The following STK3 variants were observed in gnomAD, a reference collection of about 807,000 sequenced individuals.
STK3 encodes serine/threonine-protein kinase 3.
Under a neutral mutation model 58.0 loss-of-function variants are expected in STK3, and 41 were observed. The ratio of observed to expected loss-of-function variants is 0.71; its 90% confidence interval spans 0.55 to 0.92. The LOEUF (loss-of-function observed/expected upper bound fraction) is 0.92, where lower values mean the gene tolerates loss of function less well. Ranked by LOEUF, STK3 falls within the 40% of genes least tolerant of loss-of-function variation. The pLI is 0.00. For missense variants in STK3, 479 were observed against 602.7 expected (o/e 0.79, Z 2.15); for synonymous variants, 170 against 191.0 (o/e 0.89, Z 0.91).
Position 98,680,268 on chromosome 8 carries a change from C to T in STK3, c.684+26199G>A, listed in dbSNP as rs568919661. ...AAAATGGAGGCAATCAGAAGAAATA[C>T]AGTCCATGGTGGCAGTGACAGAGCT... On this transcript the variant is annotated intron_variant, in intron 6 of 10. Transcript: ENST00000419617. Among the ~76,000 whole-genome samples the T allele has an allele frequency of 4.6e-5, 7 of 152,144 alleles. No homozygotes were observed. In the South Asian group the frequency reaches 1.5e-3, roughly 32 times the overall value.
chr8:98,513,112 C>G (rs1012676133), intron 10 of STK3, among the ~76,000 whole-genome samples: 1 of 152,150 alleles, frequency 6.6e-6, no homozygotes, highest in Non-Finnish European at 1.5e-5. Flanking sequence ...AGAATGCTGA[C>G]TGAAAGTGTT....
chr8:98,352,128 C>T, the STK3 span, among the ~76,000 whole-genome samples: 1 of 110,066 alleles, frequency 9.1e-6, no homozygotes, highest in African/African-American at 3.8e-5. Flanking sequence ...CAGAGAAAGA[C>T]TCTGTCTCAA....
chr8:98,514,799 T>C (rs1824801496), intron 10 of STK3, among the ~76,000 whole-genome samples: 1 of 152,140 alleles, frequency 6.6e-6, no homozygotes, highest in South Asian at 2.1e-4. Flanking sequence ...GGTTCCATTC[T>C]GTACTTTCAA....
At chr8:98,469,311 G>A (rs1457288345) in intron 10 of STK3, among the ~76,000 whole-genome samples, 1 of 151,628 alleles carries the variant, frequency 6.6e-6, no homozygotes, top group Non-Finnish European at 1.5e-5. Context: ...ACTGTTTTTC[G>A]GTATCAACTA....
At chr8:98,461,449 T>C (rs1438957678) in intron 10 of STK3, among the ~76,000 whole-genome samples, 1 of 152,212 alleles carries the variant, frequency 6.6e-6, no homozygotes, top group Non-Finnish European at 1.5e-5. Flanking sequence ...CCAACCAGTA[T>C]CTTTTAAGTG....
chr8:98,888,260 AGT>A (rs1217993693), intron 1 of STK3, among the ~76,000 whole-genome samples: 5 of 152,182 alleles, frequency 3.3e-5, no homozygotes, highest in Non-Finnish European at 7.3e-5. Flanking sequence ...CGGAGGATGC[AGT>A]GAGCCGAGAT....
At chr8:98,787,184 A>C (rs1292066175) in intron 1 of STK3, among the ~76,000 whole-genome samples, 3 of 149,812 alleles carry the variant, frequency 2.0e-5, no homozygotes, top group Admixed American at 6.7e-5. Context: ...AAAAAAAAAA[A>C]AAAAAAAAAA....
intron 8 of STK3, among the ~76,000 whole-genome samples, chr8:98,548,546 C>A (rs983286570): frequency 1.3e-5 from 2 of 152,112 alleles, no homozygotes; most frequent in Non-Finnish European, 2.9e-5. Flanking sequence ...ATAATGATGT[C>A]TATAACCTTG....
intron 10 of STK3, among the ~76,000 whole-genome samples, chr8:98,513,972 C>A (rs1824726573): frequency 6.6e-6 from 1 of 152,144 alleles, no homozygotes; most frequent in African/African-American, 2.4e-5. Context: ...ATATTCCAAC[C>A]ACATGAACAT....
intron 2 of STK3, among the ~76,000 whole-genome samples, chr8:98,770,247 A>C (rs1364028720): frequency 6.6e-6 from 1 of 152,082 alleles, no homozygotes; most frequent in Non-Finnish European, 1.5e-5. Flanking sequence ...CCACTCCACC[A>C]CCACTTATTG....
chr8:98,832,253 A>ATAT (rs1257234998), intron 3 of STK3, among the ~76,000 whole-genome samples: 2 of 129,952 alleles, frequency 1.5e-5, no homozygotes, highest in African/African-American at 5.5e-5. Flanking sequence ...TGAAAAAAAA[A>ATAT]AAATATATAT....
At chr8:98,923,877 G>A (rs543081044) in intron 1 of STK3, among the ~76,000 whole-genome samples, 20 of 148,922 alleles carry the variant, frequency 1.3e-4, no homozygotes, top group South Asian at 1.1e-3. Context: ...GCGCGCGCGC[G>A]TTGACAATGA....
intron 1 of STK3, among the ~76,000 whole-genome samples, chr8:98,777,860 C>A (rs951855433): frequency 6.6e-6 from 1 of 152,142 alleles, no homozygotes; most frequent in Admixed American, 6.5e-5. Context: ...CTTCCTTACA[C>A]CTTATACAAA....
chr8:98,541,845 C>T (rs1433437981), intron 9 of STK3, among the ~76,000 whole-genome samples: 6 of 152,190 alleles, frequency 3.9e-5, no homozygotes, highest in South Asian at 2.1e-4. Context: ...TATTCTGATA[C>T]GATTTCTTCT....
intron 6 of STK3, among the ~76,000 whole-genome samples, chr8:98,701,641 T>A (rs1825629624): frequency 6.7e-6 from 1 of 150,366 alleles, no homozygotes; most frequent in African/African-American, 2.5e-5. Context: ...TATATATATA[T>A]ATATATCTAT....
chr8:98,818,983 G>C (rs544881852), intron 1 of STK3, among the ~76,000 whole-genome samples: 1 of 152,216 alleles, frequency 6.6e-6, no homozygotes, highest in South Asian at 2.1e-4. Context: ...ACCATGCCCG[G>C]CTAATTTTTT....
intron 2 of STK3, among the ~76,000 whole-genome samples, chr8:98,773,900 G>A (rs1812215020): frequency 6.6e-6 from 1 of 151,978 alleles, no homozygotes; most frequent in Non-Finnish European, 1.5e-5. Flanking sequence ...GGGTTCAAGC[G>A]ATTCTCCTGC....
At chr8:98,404,862 A>G (rs1440618055) in intron 3 of STK3, among the ~76,000 whole-genome samples, 2 of 152,088 alleles carry the variant, frequency 1.3e-5, no homozygotes, top group Admixed American at 1.3e-4. Flanking sequence ...AAAATAAATC[A>G]ATAAAATAAA....
At chr8:98,894,197 T>C (rs1838365722) in intron 1 of STK3, among the ~76,000 whole-genome samples, 1 of 152,214 alleles carries the variant, frequency 6.6e-6, no homozygotes, top group Non-Finnish European at 1.5e-5. Context: ...TTCTACATAC[T>C]GATGATGCCT....
Sources: gnomAD v4.1 joint callset for allele counts (sites outside exome capture counted in the v4.1 genomes callset) on GRCh38, gnomAD v4.1.1 for gene constraint, MANE v1.5 for transcripts, NCBI Gene and HGNC (gene_info 2026-07-23, HGNC 2026-07-21) for gene names.